ITSN1: variants seen among roughly 807,000 people sequenced by gnomAD.
The protein encoded by ITSN1 is intersectin 1, also known as intersectin-1.
ITSN1 carries 58 observed loss-of-function variants against 239.8 expected under a neutral mutation model. The ratio of observed to expected loss-of-function variants is 0.24; its 90% CI spans 0.20 to 0.30. ITSN1 has a LOEUF of 0.30. Ranked by LOEUF, ITSN1 falls within the 10% of genes least tolerant of loss-of-function variation. The pLI is 1.00. For missense variants in ITSN1, 1,558 were observed against 2,103.3 expected, an observed-to-expected ratio of 0.74 and a Z score of 5.07; for synonymous variants, 780 against 770.8, an observed-to-expected ratio of 1.01 and a Z score of -0.20.
intron 18 of ITSN1, among the ~76,000 whole-genome samples, chr21:33,798,418 T>A (rs181609178): frequency 0.01 from 1,547 of 151,442 alleles, 19 homozygotes; most frequent in African/African-American, 0.028. Flanking sequence ...CTTTTTTTTT[T>A]AAAAAAGGGA....
At chr21:33,874,059 G>A (rs1983223923) in intron 33 of ITSN1, among the ~76,000 whole-genome samples, 1 of 149,390 alleles carries the variant, frequency 6.7e-6, no homozygotes, top group Non-Finnish European at 1.5e-5. Context: ...GGAGGCTGAG[G>A]CAGAAGAATT....
chr21:33,764,171 A>G (rs1364384449), intron 9 of ITSN1, among the ~76,000 whole-genome samples: 1 of 152,228 alleles, frequency 6.6e-6, no homozygotes, highest in Non-Finnish European at 1.5e-5. Context: ...ATATTGAAAT[A>G]TTTATTTTAA....
rs78200092 is a variant in ITSN1 at position 33,779,396 on chromosome 21, C to A, written c.1597-2065C>A. ...TTTTCATATTTATTCAATTCAAAAT[C>A]TTTTTTAAATTTTCTTTGTAATTTC... is the stretch of plus-strand genomic sequence containing the variant. On this transcript the variant is annotated intron_variant, in intron 14 of 39. Transcript: ENST00000381318. Among the ~76,000 whole-genome samples, 871 of 152,146 alleles carry A rather than the reference C, an allele frequency of 5.7e-3. 13 individuals are homozygous for A. Among genetic ancestry groups the A allele is most frequent in the African/African-American group, 0.02 (840 of 41,492 alleles).
intron 26 of ITSN1, among the ~76,000 whole-genome samples, chr21:33,828,169 AT>A (rs1307619351): frequency 1.3e-5 from 2 of 152,224 alleles, no homozygotes; most frequent in Non-Finnish European, 2.9e-5. Flanking sequence ...ACTGCAGAGA[AT>A]GTTGGGGCAG....
chr21:33,687,896 A>C (rs1212696310), intron 1 of ITSN1, among the ~76,000 whole-genome samples: 1 of 152,238 alleles, frequency 6.6e-6, no homozygotes, highest in East Asian at 1.9e-4. Context: ...GGCTGAATAT[A>C]CAAAGACTGT....
Position 33,833,664 on chromosome 21 carries a change from G to A in ITSN1, c.3352-643G>A, listed in dbSNP as rs1602515738. 3.3e-5 allele frequency among the ~76,000 whole-genome samples: 5 copies of A among 152,232 alleles called. No homozygotes were observed. In the South Asian group the frequency reaches 1.0e-3, roughly 32 times the overall value. On this transcript the variant is annotated intron_variant, in intron 27 of 39. Transcript: ENST00000381318. ...GTGCAGATTACGAGGTCAAGAGATCGAGACCATCCTGGCTAACACGGTGAA... is the reference window on the plus strand; with the variant it reads ...GTGCAGATTACGAGGTCAAGAGATCAAGACCATCCTGGCTAACACGGTGAA...
At chr21:33,712,921 A>C (rs1188802946) in intron 1 of ITSN1, among the ~76,000 whole-genome samples, 1 of 152,152 alleles carries the variant, frequency 6.6e-6, no homozygotes, top group Non-Finnish European at 1.5e-5. Context: ...CTTGCTGCCC[A>C]GGCTGGAGTG....
At chr21:33,850,715 A>G (rs957783698) in intron 29 of ITSN1, among the ~76,000 whole-genome samples, 1 of 152,166 alleles carries the variant, frequency 6.6e-6, no homozygotes, top group Non-Finnish European at 1.5e-5. Context: ...AAAGGGACAT[A>G]GTGTTTGGCC....
intron 7 of ITSN1, among the ~76,000 whole-genome samples, chr21:33,753,703 A>G (rs1199808620): frequency 7.0e-6 from 1 of 143,306 alleles, no homozygotes; most frequent in Non-Finnish European, 1.5e-5. Context: ...TGGAGGTTGC[A>G]GTGAGCTGAG....
chr21:33,886,314 C>T lies in ITSN1; in HGVS notation c.4871C>T (p.Thr1624Ile). 1 of 1,614,006 alleles carries T rather than the reference C, an allele frequency of 6.2e-7. No homozygotes were observed. Among genetic ancestry groups the T allele is most frequent in the Non-Finnish European group, 8.5e-7 (1 of 1,179,982 alleles). ...AAGAGCAACCCGTACTGTGAGGTGA[C>T]CATGGGTTCCCAGTGCCACATCACC... ...HGKSNPYCEV[T>I]MGSQCHITKT... The change falls in exon 39 of 40, where the codon ACC (threonine) becomes ATC (isoleucine). Residue 1624 changes from threonine to isoleucine, a missense_variant. Transcript: ENST00000381318.
In ITSN1 at chr21:33,894,058, C is replaced by A. The variant is rs1420265465; in HGVS notation, c.*5758C>A. The A allele has an allele frequency of 6.6e-6, 1 of 152,256 alleles. No individual in the cohort carries two copies. Among genetic ancestry groups the A allele is most frequent in the Admixed American group, 6.5e-5 (1 of 15,272 alleles). 9.4% of individuals were successfully genotyped at this position (152,256 alleles called of 1,614,324 possible). ...AGTCCCCATCCTGGTCCAGGCCACC[C>A]TCCTAGAAGCTGGGCGGCAGCTGGA... On this transcript the variant is annotated 3_prime_UTR_variant, in exon 40 of 40. Transcript: ENST00000381318.
chr21:33,646,811 G>A (rs78746678), intron 1 of ITSN1, among the ~76,000 whole-genome samples: 5,101 of 152,234 alleles, frequency 0.034, 283 homozygotes, highest in African/African-American at 0.12. Flanking sequence ...TTTTATGATA[G>A]TAAGTAGAAA....
At chr21:33,856,594 C>T (rs1979389295) in intron 29 of ITSN1, 142 bp from the exon 30 acceptor site, 2 of 1,086,850 alleles carry the variant, frequency 1.8e-6, no homozygotes, top group East Asian at 4.8e-5. Flanking sequence ...CCACATATTA[C>T]TGGGGAGGAC....
At chr21:33,692,750 T>C (rs1222418910) in intron 1 of ITSN1, among the ~76,000 whole-genome samples, 1 of 152,110 alleles carries the variant, frequency 6.6e-6, no homozygotes, top group African/African-American at 2.4e-5. Context: ...TAAAAGATAA[T>C]TTTAAACATT....
chr21:33,729,648 C>G (rs1221360975), intron 4 of ITSN1, among the ~76,000 whole-genome samples: 1 of 152,072 alleles, frequency 6.6e-6, no homozygotes, highest in African/African-American at 2.4e-5. Context: ...TTAAAGGGAA[C>G]AGGTAGGCTG....
intron 22 of ITSN1, among the ~76,000 whole-genome samples, chr21:33,816,629 CAG>C (rs1014914911): frequency 6.6e-6 from 1 of 152,154 alleles, no homozygotes. Flanking sequence ...GAAGATTTCT[CAG>C]GGGGAGAGAT....
At chr21:33,754,342 T>C (rs1569103984) in intron 7 of ITSN1, 2 of 152,194 alleles carry the variant, frequency 1.3e-5, no homozygotes, top group Non-Finnish European at 2.9e-5. Context: ...TATAAGTGCA[T>C]AGATAACACA....
intron 1 of ITSN1, among the ~76,000 whole-genome samples, chr21:33,679,284 T>G (rs926228707): frequency 1.3e-5 from 2 of 152,222 alleles, no homozygotes; most frequent in African/African-American, 4.8e-5. Flanking sequence ...CCTATGACAT[T>G]GTAAACGTTC....
At chr21:33,839,171 A>G (rs1312800666) in intron 29 of ITSN1, among the ~76,000 whole-genome samples, 1 of 152,214 alleles carries the variant, frequency 6.6e-6, no homozygotes, top group Non-Finnish European at 1.5e-5. Context: ...CTCCGTGGAA[A>G]CAGAGTCCCT....
Sources: gnomAD v4.1 joint callset for allele counts (sites outside exome capture counted in the v4.1 genomes callset) on GRCh38, gnomAD v4.1.1 for gene constraint, MANE v1.5 for transcripts, NCBI Gene and HGNC (gene_info 2026-07-23, HGNC 2026-07-21) for gene names.